Variants in SLC12A8 observed in about 807,000 individuals in gnomAD.
The protein encoded by SLC12A8 is solute carrier family 12 member 8, also known as cation-chloride cotransporter 9.
A neutral mutation model predicts 75.6 loss-of-function variants in SLC12A8; 69 were observed. The observed-to-expected ratio is 0.91, with a 90% CI of 0.75 to 1.11. The LOEUF (loss-of-function observed/expected upper bound fraction) is 1.11, where lower values mean the gene tolerates loss of function less well. SLC12A8 is among the 50% of genes most tolerant of loss of function. The pLI is 0.00. For missense variants in SLC12A8, 877 were observed against 896.7 expected (o/e 0.98, Z 0.28); for synonymous variants, 365 against 372.8 (o/e 0.98, Z 0.24).
intron 6 of SLC12A8, among the ~76,000 whole-genome samples, chr3:125,131,958 G>A (rs1236380026): frequency 6.6e-6 from 1 of 152,154 alleles, no homozygotes; most frequent in Non-Finnish European, 1.5e-5. Context: ...GAAAGGTTTG[G>A]GGAGTACATA....
At chr3:125,095,228 T>A (rs1173366785) in intron 10 of SLC12A8, among the ~76,000 whole-genome samples, 1 of 152,218 alleles carries the variant, frequency 6.6e-6, no homozygotes, top group East Asian at 1.9e-4. Flanking sequence ...ACCCATTAGT[T>A]GGCTAATAAG....
At chr3:125,173,199 G>A (rs6762297) in intron 5 of SLC12A8, among the ~76,000 whole-genome samples, 49,748 of 151,786 alleles carry the variant, frequency 0.33, 8,516 homozygotes, top group Middle Eastern at 0.45. Context: ...AACAAACAAA[G>A]AAACCACTGG....
intron 2 of SLC12A8, among the ~76,000 whole-genome samples, chr3:125,200,957 G>A (rs1214888072): frequency 6.6e-6 from 1 of 152,202 alleles, no homozygotes; most frequent in African/African-American, 2.4e-5. Context: ...ACCAGGGACA[G>A]TGACCATGGA....
intron 5 of SLC12A8, among the ~76,000 whole-genome samples, chr3:125,173,004 C>A (rs917541005): frequency 2.2e-4 from 34 of 152,150 alleles, no homozygotes; most frequent in African/African-American, 7.7e-4. Flanking sequence ...CATAGTGAAA[C>A]ACTGTCTCTA....
intron 4 of SLC12A8, among the ~76,000 whole-genome samples, chr3:125,180,163 G>T (rs1934625427): frequency 6.6e-6 from 1 of 151,730 alleles, no homozygotes; most frequent in Admixed American, 6.6e-5. Flanking sequence ...TTAGCCCAAA[G>T]ATGCCAGCAA....
At chr3:125,130,049 G>C (rs574077605) in intron 6 of SLC12A8, among the ~76,000 whole-genome samples, 1 of 152,346 alleles carries the variant, frequency 6.6e-6, no homozygotes, top group Non-Finnish European at 1.5e-5. Context: ...ATGAGAGTGA[G>C]AGGGACAGGA....
chr3:125,094,971 T>C (rs1938676904), intron 10 of SLC12A8, among the ~76,000 whole-genome samples: 2 of 152,230 alleles, frequency 1.3e-5, no homozygotes. Flanking sequence ...TCTTGATTTT[T>C]CTATGTCACT....
intron 2 of SLC12A8, among the ~76,000 whole-genome samples, chr3:125,202,649 T>A (rs78512540): frequency 0.17 from 852 of 5,076 alleles, 20 homozygotes; most frequent in Admixed American, 0.4. Flanking sequence ...TTTTTTTTTT[T>A]TAAATCTGTA....
chr3:125,098,820 G>A (rs1938786720), intron 10 of SLC12A8, among the ~76,000 whole-genome samples: 1 of 152,188 alleles, frequency 6.6e-6, no homozygotes, highest in South Asian at 2.1e-4. Context: ...TTTGAAGCCA[G>A]GGCAAAAGGC....
rs1469521971 is a variant in SLC12A8, at chr3:125,209,346, C to A, written c.51+1953G>T. ...CAAACCAAAATAATCATATCAACTT[C>A]AGAATGTTGTAGTGGAGATAAATGA... On this transcript the variant is annotated intron_variant, in intron 2 of 13. Coordinates refer to ENST00000469902, the MANE Select transcript of SLC12A8 (RefSeq NM_024628.6). Among the ~76,000 whole-genome samples the A allele has an allele frequency of 2.6e-5, 4 of 152,318 alleles. No individual in the cohort carries two copies. In the South Asian group the frequency reaches 8.3e-4, roughly 32 times the overall value.
At chr3:125,105,249 A>C (rs550799738) in intron 10 of SLC12A8, among the ~76,000 whole-genome samples, 2 of 152,132 alleles carry the variant, frequency 1.3e-5, no homozygotes, top group Non-Finnish European at 2.9e-5. Flanking sequence ...GGGAATTATC[A>C]AAGAAAAACT....
intron 4 of SLC12A8, among the ~76,000 whole-genome samples, chr3:125,183,912 G>A (rs1934718835): frequency 6.6e-6 from 1 of 151,916 alleles, no homozygotes; most frequent in African/African-American, 2.4e-5. Context: ...AAGGGGGAAG[G>A]GTTTTGTAGG....
At chr3:125,144,464 C>T (rs1250496048) in intron 5 of SLC12A8, among the ~76,000 whole-genome samples, 1 of 152,150 alleles carries the variant, frequency 6.6e-6, no homozygotes, top group Non-Finnish European at 1.5e-5. Context: ...GGCCCCAGCC[C>T]AGCCCACAGA....
chr3:125,196,643 A>G (rs988541680), intron 2 of SLC12A8, among the ~76,000 whole-genome samples: 4 of 152,214 alleles, frequency 2.6e-5, no homozygotes, highest in African/African-American at 9.7e-5. Context: ...TAAAGTGTCT[A>G]TAAGGCCAGG....
intron 10 of SLC12A8, among the ~76,000 whole-genome samples, chr3:125,105,030 T>A (rs1406004821): frequency 6.6e-6 from 1 of 151,964 alleles, no homozygotes; most frequent in Non-Finnish European, 1.5e-5. Flanking sequence ...AATTTTGTTA[T>A]CCTCAGTCAA....
intron 8 of SLC12A8, 21 bp downstream of exon 8, chr3:125,118,748 A>T (rs761123014): frequency 6.3e-7 from 1 of 1,583,844 alleles, no homozygotes; most frequent in South Asian, 1.1e-5. Flanking sequence ...GAGCCCTTGG[A>T]GTAGCGCAGG....
intron 10 of SLC12A8, among the ~76,000 whole-genome samples, chr3:125,094,810 A>T (rs1213919784): frequency 2.0e-5 from 3 of 152,066 alleles, no homozygotes; most frequent in Non-Finnish European, 4.4e-5. Flanking sequence ...TTCCACTAAA[A>T]CTACTCTTAC....
intron 5 of SLC12A8, among the ~76,000 whole-genome samples, chr3:125,142,238 C>T (rs1300865031): frequency 6.6e-6 from 1 of 151,896 alleles, no homozygotes; most frequent in African/African-American, 2.4e-5. Context: ...ACAAGAGTTC[C>T]TTCCCAAGCA....
At chr3:125,204,015 A>G (rs187255481) in intron 2 of SLC12A8, among the ~76,000 whole-genome samples, 19 of 152,382 alleles carry the variant, frequency 1.2e-4, no homozygotes, top group Admixed American at 3.9e-4. Context: ...AGGGAAATGC[A>G]AATCAAAACC....
Sources: gnomAD v4.1 joint callset for allele counts (sites outside exome capture counted in the v4.1 genomes callset) on GRCh38, gnomAD v4.1.1 for gene constraint, MANE v1.5 for transcripts, NCBI Gene and HGNC (gene_info 2026-07-23, HGNC 2026-07-21) for gene names.